The following ATXN1 variants were observed in gnomAD, a reference collection of about 807,000 sequenced individuals.
The protein encoded by ATXN1 is ataxin-1.
ATXN1 carries 8 observed loss-of-function variants against 56.4 expected under a neutral mutation model. That is an observed-to-expected ratio of 0.14 (90% confidence interval 0.08 to 0.26). The LOEUF (loss-of-function observed/expected upper bound fraction) is 0.26, where lower values mean the gene tolerates loss of function less well. Among genes scored for constraint, ATXN1 ranks in the 10% least tolerant of loss-of-function variants. The pLI is 1.00. For missense variants in ATXN1, 987 were observed against 1,106.5 expected (o/e 0.89, Z 1.53); for synonymous variants, 514 against 494.6 (o/e 1.04, Z -0.52).
intron 6 of ATXN1, among the ~76,000 whole-genome samples, chr6:16,373,875 G>A (rs1762095004): frequency 6.6e-6 from 1 of 151,948 alleles, no homozygotes; most frequent in Non-Finnish European, 1.5e-5. Flanking sequence ...ACTAATACAG[G>A]GCATCACACC....
At chr6:16,512,762 G>C (rs1301768987) in intron 5 of ATXN1, among the ~76,000 whole-genome samples, 2 of 152,158 alleles carry the variant, frequency 1.3e-5, no homozygotes, top group African/African-American at 4.8e-5. Flanking sequence ...GACAGCCAAT[G>C]CCAGGAGCTA....
At chr6:16,527,519 G>A (rs926432849) in intron 4 of ATXN1, among the ~76,000 whole-genome samples, 2 of 152,134 alleles carry the variant, frequency 1.3e-5, no homozygotes, top group East Asian at 1.9e-4. Context: ...GCAACACAGA[G>A]TCTGATCTGT....
chr6:16,498,998 T>C lies in ATXN1; in HGVS notation c.-298-12889A>G, dbSNP rs542573469. Among the ~76,000 whole-genome samples, 13 of 152,362 alleles carry C rather than the reference T, an allele frequency of 8.5e-5. 1 individual carries two copies. The East Asian group carries it at 2.5e-3, about 29-fold the overall frequency. On this transcript the variant is annotated intron_variant, in intron 5 of 7. Transcript: ENST00000436367. ...GCCCTTTGGTTCACAAAGGCTTTGA[T>C]ACTGATGAAGTCCAATGCATCTATT...
chr6:16,577,485 T>C (rs986629272), intron 4 of ATXN1, among the ~76,000 whole-genome samples: 5 of 148,926 alleles, frequency 3.4e-5, no homozygotes, highest in South Asian at 4.2e-4. Flanking sequence ...GATCGTGCCA[T>C]TGCACTCCAG....
intron 3 of ATXN1, among the ~76,000 whole-genome samples, chr6:16,595,357 G>T (rs909600061): frequency 6.6e-6 from 1 of 152,214 alleles, no homozygotes; most frequent in African/African-American, 2.4e-5. Context: ...GGTGAGCTAC[G>T]AATCGGCCCG....
intron 2 of ATXN1, among the ~76,000 whole-genome samples, chr6:16,728,402 A>T (rs1005563885): frequency 3.9e-5 from 6 of 152,192 alleles, no homozygotes; most frequent in African/African-American, 1.4e-4. Flanking sequence ...AGGGGCTGGG[A>T]ACCCTCACAG....
At position 16,609,269 on chromosome 6, in the gene ATXN1, G is replaced by A. The variant is rs9464926; in HGVS notation, c.-488-23362C>T. Among the ~76,000 whole-genome samples, 603 of 152,238 alleles carry A rather than the reference G, an allele frequency of 4.0e-3. 5 individuals carry two copies. The highest frequency in any genetic ancestry group is 0.013 in the African/African-American group (531 of 41,530). The stretch of plus-strand genomic sequence containing the variant: ...TCTGGTGTCCAGGGCATTCACATTC[G>A]GAAGGCACTAAGAAGAGAACCAAGC... On this transcript the variant is annotated intron_variant, in intron 3 of 7. Transcript: ENST00000436367.
At chr6:16,373,492 T>C (rs1388182261) in intron 6 of ATXN1, among the ~76,000 whole-genome samples, 1 of 152,168 alleles carries the variant, frequency 6.6e-6, no homozygotes, top group East Asian at 1.9e-4. Context: ...CTGGAAGCCA[T>C]ATCTGATCAG....
intron 3 of ATXN1, among the ~76,000 whole-genome samples, chr6:16,594,170 A>ATG (rs1311019066): frequency 6.7e-6 from 1 of 149,508 alleles, no homozygotes; most frequent in Non-Finnish European, 1.5e-5. Flanking sequence ...ATATATATAT[A>ATG]TGTCTGTTGA....
At chr6:16,661,451 T>C (rs1160773594) in intron 2 of ATXN1, among the ~76,000 whole-genome samples, 1 of 152,206 alleles carries the variant, frequency 6.6e-6, no homozygotes, top group Admixed American at 6.5e-5. Flanking sequence ...TTTTAAGGGC[T>C]CATTTGGTCT....
chr6:16,417,441 A>ATTTTTTTTTTT (rs1188606545), intron 6 of ATXN1, among the ~76,000 whole-genome samples: 55 of 136,354 alleles, frequency 4.0e-4, no homozygotes, highest in Non-Finnish European at 6.8e-4. Context: ...CAAGTTTCTT[A>ATTTTTTTTTTT]TTTTTTTTTT....
In ATXN1 at chr6:16,663,264, C is replaced by T. The variant is rs13202625; in HGVS notation, c.-614-5363G>A. Among the ~76,000 whole-genome samples, 766 of 152,142 alleles carry T rather than the reference C, an allele frequency of 5.0e-3. 5 individuals are homozygous for T. The highest frequency in any genetic ancestry group is 7.9e-3 in the Non-Finnish European group (537 of 68,004). On this transcript the variant is annotated intron_variant, in intron 2 of 7. Coordinates refer to ENST00000436367, the MANE Select transcript of ATXN1 (RefSeq NM_001128164.2). ...GATTACAGGCAGGAGCCACCGTGCC[C>T]GGCTGGATTTTTTTTTAATATAGGA...
intron 4 of ATXN1, among the ~76,000 whole-genome samples, chr6:16,530,294 A>C (rs1761479221): frequency 6.6e-6 from 1 of 152,236 alleles, no homozygotes; most frequent in African/African-American, 2.4e-5. Flanking sequence ...TTGTAGAACC[A>C]GATCCAGAAG....
chr6:16,711,825 C>T (rs1217317321), intron 2 of ATXN1, among the ~76,000 whole-genome samples: 1 of 152,088 alleles, frequency 6.6e-6, no homozygotes, highest in Non-Finnish European at 1.5e-5. Flanking sequence ...ACCATGTTGC[C>T]CAGGCTGATC....
At chr6:16,751,676 C>T (rs758506111) in intron 2 of ATXN1, among the ~76,000 whole-genome samples, 1 of 152,002 alleles carries the variant, frequency 6.6e-6, no homozygotes, top group Non-Finnish European at 1.5e-5. Context: ...AAATAAAAGG[C>T]TCCTTGGCTT....
intron 3 of ATXN1, among the ~76,000 whole-genome samples, chr6:16,656,070 C>CA (rs1758194706): frequency 1.4e-5 from 2 of 139,770 alleles, no homozygotes; most frequent in South Asian, 4.5e-4. Flanking sequence ...AGCCTGGTGA[C>CA]AGAGCAAGAC....
At chr6:16,726,947 T>C (rs1431797342) in intron 2 of ATXN1, among the ~76,000 whole-genome samples, 1 of 152,224 alleles carries the variant, frequency 6.6e-6, no homozygotes, top group African/African-American at 2.4e-5. Context: ...AATTAGACAC[T>C]GAACATACTA....
intron 2 of ATXN1, among the ~76,000 whole-genome samples, chr6:16,695,597 T>C (rs777357296): frequency 1.3e-5 from 2 of 152,194 alleles, no homozygotes; most frequent in African/African-American, 2.4e-5. Context: ...TTAGTCTACA[T>C]CTAACAGGCC....
At chr6:16,457,537 G>C (rs187061438) in intron 6 of ATXN1, among the ~76,000 whole-genome samples, 2 of 152,064 alleles carry the variant, frequency 1.3e-5, no homozygotes, top group Admixed American at 6.6e-5. Context: ...CTGCACTACG[G>C]TCTGGCCTTA....
Sources: gnomAD v4.1 joint callset for allele counts (sites outside exome capture counted in the v4.1 genomes callset) on GRCh38, gnomAD v4.1.1 for gene constraint, MANE v1.5 for transcripts, NCBI Gene and HGNC (gene_info 2026-07-23, HGNC 2026-07-21) for gene names.